Variants in ZMIZ2 observed in about 807,000 individuals in gnomAD.
ZMIZ2 encodes the protein zinc finger MIZ-type containing 2.
Under a neutral mutation model 93.9 loss-of-function variants are expected in ZMIZ2, and 26 were observed. The ratio of observed to expected loss-of-function variants is 0.28; its 90% CI spans 0.20 to 0.38. The LOEUF is 0.38. Ranked by LOEUF, ZMIZ2 falls within the 10% of genes least tolerant of loss-of-function variation. The pLI is 1.00. For missense variants in ZMIZ2, 1,023 were observed against 1,235.0 expected (o/e 0.83, Z 2.57); for synonymous variants, 485 against 516.4 (o/e 0.94, Z 0.82).
rs770980066 is a variant in ZMIZ2, at chr7:44,761,607, G to A, written c.1385+14G>A. The A allele has an allele frequency of 6.2e-7, 1 of 1,613,848 alleles. No individual in the cohort carries two copies. Among genetic ancestry groups the A allele is most frequent in the Non-Finnish European group, 8.5e-7 (1 of 1,179,890 alleles). On this transcript the variant is annotated intron_variant, in intron 10 of 18. Transcript: ENST00000309315. This position sits in a 1 kb window ranked among gnomAD's most constrained non-coding sequence, Gnocchi z 5.8. The stretch of plus-strand genomic sequence containing the variant: ...CCTGATAATGAGGTGAGCTCCGCCT[G>A]GCCCCCACCTGACCCCCACGAGGCT...
intron 1 of ZMIZ2, among the ~76,000 whole-genome samples, chr7:44,754,418 A>G (rs1790419496): frequency 6.6e-6 from 1 of 152,178 alleles, no homozygotes; most frequent in Non-Finnish European, 1.5e-5. Flanking sequence ...GAGGAAGTCC[A>G]GAACACTGCC....
chr7:44,748,761 G>C (rs1042619134), upstream of ZMIZ2: 1 of 151,338 alleles, frequency 6.6e-6, no homozygotes, highest in Admixed American at 6.6e-5. Flanking sequence ...CCCGAGCGCC[G>C]GCTCGGGGCT....
rs541087759 is a variant in ZMIZ2, at chr7:44,763,587, G to A, written c.1860+174G>A. 91 of 779,516 alleles carry A rather than the reference G, an allele frequency of 1.2e-4. 2 individuals are homozygous for A. In the South Asian group the frequency reaches 1.9e-3, roughly 16 times the overall value. 48.3% of individuals were successfully genotyped at this position (779,516 alleles called of 1,614,324 possible). ...GTGGGCCTGGCTCCCCCAAGACTAGGCTATTTTTTCTTCCAAATATAATTG... is the reference window on the plus strand; with the variant it reads ...GTGGGCCTGGCTCCCCCAAGACTAGACTATTTTTTCTTCCAAATATAATTG... On this transcript the variant is annotated intron_variant, in intron 13 of 18. Coordinates refer to ENST00000309315, the MANE Select transcript of ZMIZ2 (RefSeq NM_031449.4). This position sits in a 1 kb window ranked among gnomAD's most constrained non-coding sequence, Gnocchi z 5.6.
At chr7:44,762,638 A>C (rs1791318301) in intron 11 of ZMIZ2, among the ~76,000 whole-genome samples, 1 of 152,238 alleles carries the variant, frequency 6.6e-6, no homozygotes, top group Non-Finnish European at 1.5e-5. Context: ...CAGGATGCCC[A>C]GCACAGCTGT....
rs765899628 is a variant in ZMIZ2, at chr7:44,761,647, A to G, written c.1386-48A>G. ...CCCACGAGGCTCTGTTCCTCCTCCCACACTCTCAGGGCCCGTTTTCTGGGT... is the reference window on the plus strand; with the variant it reads ...CCCACGAGGCTCTGTTCCTCCTCCCGCACTCTCAGGGCCCGTTTTCTGGGT... On this transcript the variant is annotated intron_variant, in intron 10 of 18. Transcript: ENST00000309315. The surrounding 1 kb of genome is among the most constrained non-coding windows in gnomAD (Gnocchi z 5.8). The G allele has an allele frequency of 5.0e-6, 8 of 1,612,954 alleles. No individual in the cohort carries two copies. The East Asian group carries it at 8.9e-5, about 18-fold the overall frequency.
At position 44,761,960 on chromosome 7, in the gene ZMIZ2, G is replaced by C; in HGVS notation, c.1596+55G>C. On this transcript the variant is annotated intron_variant, in intron 11 of 18. Coordinates refer to ENST00000309315, the MANE Select transcript of ZMIZ2 (RefSeq NM_031449.4). The surrounding 1 kb of genome is among the most constrained non-coding windows in gnomAD (Gnocchi z 5.8). Reference sequence around the variant, plus strand: ...TGTGGCGTGGGGCGGGGTGTGGTGGGGCCTGGCCCAGCGGTGCCGTGGGGT... The same window carrying C: ...TGTGGCGTGGGGCGGGGTGTGGTGGCGCCTGGCCCAGCGGTGCCGTGGGGT... 1 of 1,530,128 alleles carries C rather than the reference G, an allele frequency of 6.5e-7. No individual in the cohort carries two copies. The highest frequency in any genetic ancestry group is 1.2e-5 in the South Asian group (1 of 82,412). 94.8% of individuals were successfully genotyped at this position (1,530,128 alleles called of 1,614,324 possible).
chr7:44,761,705 G>C lies in ZMIZ2; in HGVS notation c.1396G>C (p.Glu466Gln), dbSNP rs757203582. The change falls in exon 11 of 19, where the codon GAG becomes CAG. Residue 466 changes from glutamate (E) to glutamine (Q), a missense_variant. Physicochemically the swap from Glu to Gln is conservative, Grantham distance 29 (BLOSUM62 2). Transcript: ENST00000309315. This position sits in a 1 kb window ranked among gnomAD's most constrained non-coding sequence, Gnocchi z 5.8. The stretch of plus-strand genomic sequence containing the variant: ...CATCTTCCTGAGCAGGCCTGACCTG[G>C]AGCTGCAATTCAAGTGCTACCACCA... ...YKTLIMRPDL[E>Q]LQFKCYHHED... 7 of 1,614,038 alleles carry C rather than the reference G, an allele frequency of 4.3e-6. No individual in the cohort carries two copies. Among genetic ancestry groups the C allele is most frequent in the Non-Finnish European group, 4.2e-6 (5 of 1,180,028 alleles).
At position 44,760,138 on chromosome 7, in the gene ZMIZ2, TTC is replaced by T. The variant is rs1791022308; in HGVS notation, c.994-8_994-7del. ...GTTGGAGCCCCAGGTGCATGCAGTT[TTC>T]TCTCCCGCAGCCCACAGAGCAGTTC... On this transcript the variant is annotated splice_polypyrimidine_tract_variant and intron_variant, in intron 7 of 18. Transcript: ENST00000309315. The T allele has an allele frequency of 6.2e-7, 1 of 1,613,872 alleles. No individual in the cohort carries two copies. Among genetic ancestry groups the T allele is most frequent in the African/African-American group, 1.3e-5 (1 of 75,022 alleles).
chr7:44,749,576 T>C (rs1789955372), intron 1 of ZMIZ2, among the ~76,000 whole-genome samples: 1 of 152,154 alleles, frequency 6.6e-6, no homozygotes, highest in African/African-American at 2.4e-5. Context: ...CTGGACATAC[T>C]GAAGCTCAGG....
In ZMIZ2 at chr7:44,767,822, C is replaced by T. The variant is rs546978296; in HGVS notation, c.*199C>T. The stretch of plus-strand genomic sequence containing the variant: ...TGCTCGATGGGAGGGGCTCCCAGGC[C>T]GGCAGCCCTTGCCACCTCCCTCTGC... On this transcript the variant is annotated 3_prime_UTR_variant, in exon 19 of 19. Coordinates refer to ENST00000309315, the MANE Select transcript of ZMIZ2 (RefSeq NM_031449.4). 8 of 604,866 alleles carry T rather than the reference C, an allele frequency of 1.3e-5. No homozygotes were observed. The highest frequency in any genetic ancestry group is 4.4e-4 in the Middle Eastern group (1 of 2,268). 37.5% of individuals were successfully genotyped at this position (604,866 alleles called of 1,614,324 possible).
At position 44,748,857 on chromosome 7, in the gene ZMIZ2, C is replaced by G. The variant is rs1382851278; in HGVS notation, c.-197C>G. ...CGCGGCGGCGGCTCCATTGTGCCCT[C>G]GGAGCGGGCGGCGGCGCGATGGCGC... On this transcript the variant is annotated 5_prime_UTR_variant, in exon 1 of 19. Transcript: ENST00000309315. 1 of 148,678 alleles carries G rather than the reference C, an allele frequency of 6.7e-6. No homozygotes were observed. Among genetic ancestry groups the G allele is most frequent in the Non-Finnish European group, 1.5e-5 (1 of 66,660 alleles). 9.2% of individuals were successfully genotyped at this position (148,678 alleles called of 1,614,324 possible).
rs769156127 is a variant in ZMIZ2 at position 44,766,658 on chromosome 7, C to G, written c.2650C>G (p.Leu884Val). 18 of 1,612,990 alleles carry G rather than the reference C, an allele frequency of 1.1e-5. No homozygotes were observed. In the Admixed American group the frequency reaches 2.8e-4, roughly 25 times the overall value. Residue 884 changes from leucine to valine, a missense_variant, in exon 18 of 19, where the codon CTG becomes GTG. Transcript: ENST00000309315. This position sits in a 1 kb window ranked among gnomAD's most constrained non-coding sequence, Gnocchi z 4.4. Reference sequence around the variant, plus strand: ...AGCCGGGGAGGCCCCAGAACCAGCTCTGGACGTGAGTACCAGGCCCCATGC... The same window carrying G: ...AGCCGGGGAGGCCCCAGAACCAGCTGTGGACGTGAGTACCAGGCCCCATGC... ...SGAGEAPEPA[L>V]DLLPELTNPD...
chr7:44,754,915 G>T (rs148856316), intron 1 of ZMIZ2, among the ~76,000 whole-genome samples: 50 of 152,318 alleles, frequency 3.3e-4, no homozygotes, highest in Middle Eastern at 3.4e-3. Context: ...GACATGTCAG[G>T]TGGTCCTGGG....
At chr7:44,764,308 C>A in intron 13 of ZMIZ2, 111 bp from the exon 14 acceptor site, 1 of 977,528 alleles carries the variant, frequency 1.0e-6, no homozygotes, top group Non-Finnish European at 1.6e-6. Context: ...TGCAGTATCT[C>A]AGTTATGCAT....
At position 44,761,374 on chromosome 7, in the gene ZMIZ2, C is replaced by T. The variant is rs762575617; in HGVS notation, c.1241-75C>T. 39 of 1,554,200 alleles carry T rather than the reference C, an allele frequency of 2.5e-5. No homozygotes were observed. The highest frequency in any genetic ancestry group is 5.4e-5 in the African/African-American group (4 of 73,986). On this transcript the variant is annotated intron_variant, in intron 9 of 18. Coordinates refer to ENST00000309315, the MANE Select transcript of ZMIZ2 (RefSeq NM_031449.4). This position sits in a 1 kb window ranked among gnomAD's most constrained non-coding sequence, Gnocchi z 5.8. ...CCTGCGGGGAAGGTGGCTGGGGAGC[C>T]GCTGCCCTCCTTGAGTGACACAAGA... is the stretch of plus-strand genomic sequence containing the variant.
intron 11 of ZMIZ2, among the ~76,000 whole-genome samples, chr7:44,762,608 C>T (rs1016116366): frequency 6.6e-6 from 1 of 152,208 alleles, no homozygotes; most frequent in South Asian, 2.1e-4. Flanking sequence ...GAAGTGGTGA[C>T]TAGGCAATGG....
Position 44,769,527 on chromosome 7 carries a change from C to T in ZMIZ2, c.*1904C>T, listed in dbSNP as rs748645289. 2.6e-5 allele frequency: 4 copies of T among 152,788 alleles called. No individual in the cohort carries two copies. Among genetic ancestry groups the T allele is most frequent in the African/African-American group, 9.6e-5 (4 of 41,454 alleles). The allele number at this position is 152,788 out of a possible 1,614,324, so 9.5% of individuals were successfully genotyped here. ...GAAGCAGCAGCACGCACAGTCCTGT[C>T]GCTGGGTGCGGAGACAGCCTGGCAA... On this transcript the variant is annotated 3_prime_UTR_variant, in exon 19 of 19. Coordinates refer to ENST00000309315, the MANE Select transcript of ZMIZ2 (RefSeq NM_031449.4).
intron 1 of ZMIZ2, among the ~76,000 whole-genome samples, chr7:44,750,732 C>A (rs956490898): frequency 6.6e-6 from 1 of 152,060 alleles, no homozygotes; most frequent in Non-Finnish European, 1.5e-5. Flanking sequence ...GTGATCTGAC[C>A]CCCGAGAAAG....
At position 44,765,885 on chromosome 7, in the gene ZMIZ2, C is replaced by T; in HGVS notation, c.2243-279C>T. ...CAGGACTGGCCCCATCTGGGGCCCC[C>T]CTCTGGGACCCACCTCACACGCGTG... On this transcript the variant is annotated intron_variant, in intron 16 of 18. Transcript: ENST00000309315. The surrounding 1 kb of genome is among the most constrained non-coding windows in gnomAD (Gnocchi z 4.1). The T allele has an allele frequency of 2.9e-6, 4 of 1,367,136 alleles. No homozygotes were observed. Among genetic ancestry groups the T allele is most frequent in the Non-Finnish European group, 3.8e-6 (4 of 1,052,384 alleles). 84.7% of individuals were successfully genotyped at this position (1,367,136 alleles called of 1,614,324 possible).
Sources: gnomAD v4.1 joint callset for allele counts (sites outside exome capture counted in the v4.1 genomes callset) on GRCh38, gnomAD v4.1.1 for gene constraint, Gnocchi (gnomAD v3.1) non-coding constraint, MANE v1.5 for transcripts, NCBI Gene and HGNC (gene_info 2026-07-23, HGNC 2026-07-21) for gene names.